INO80D: variants seen among roughly 807,000 people sequenced by gnomAD.
INO80D encodes INO80 complex subunit D.
Under a neutral mutation model 87.6 loss-of-function variants are expected in INO80D, and 21 were observed. That is an observed-to-expected ratio of 0.24 (90% CI 0.17 to 0.35). The LOEUF (loss-of-function observed/expected upper bound fraction) is 0.35. Among genes scored for constraint, INO80D ranks in the 10% least tolerant of loss-of-function variants. INO80D has a pLI of 1.00. For synonymous variants in INO80D, 440 were observed against 491.0 expected (o/e 0.90, Z 1.37); for missense variants, 982 against 1,280.7 (o/e 0.77, Z 3.56).
At chr2:206,082,078 T>C (rs1690301199) in intron 1 of INO80D, among the ~76,000 whole-genome samples, 1 of 152,208 alleles carries the variant, frequency 6.6e-6, no homozygotes. Flanking sequence ...TGGAATGCAA[T>C]GGTGCAATCC....
At chr2:206,025,478 A>C (rs1688582256) in intron 6 of INO80D, 1 of 146,128 alleles carries the variant, frequency 6.8e-6, no homozygotes, top group Non-Finnish European at 1.5e-5. Flanking sequence ...TAGTGAGCCG[A>C]GATCGCACCA....
chr2:206,050,743 C>G (rs565410143), intron 4 of INO80D, among the ~76,000 whole-genome samples: 1 of 151,422 alleles, frequency 6.6e-6, no homozygotes. Flanking sequence ...CCGAGGCGGG[C>G]GGATCACGAG....
At position 206,019,824 on chromosome 2, in the gene INO80D, C is replaced by G. The variant is rs747012232; in HGVS notation, c.1320G>C (p.Arg440Ser). 4 of 1,613,720 alleles carry G rather than the reference C, an allele frequency of 2.5e-6. No individual in the cohort carries two copies. In the South Asian group the frequency reaches 4.4e-5, roughly 18 times the overall value. ...SRTSISRTKL[R>S]EVEPAACSGT... is the part of the protein sequence containing the mutation. Reference sequence around the variant, plus strand: ...CACTGCATGCTGCTGGTTCCACCTCCCTCAGCTTGGTCCGGCTTATGCTAA... The same window carrying G: ...CACTGCATGCTGCTGGTTCCACCTCGCTCAGCTTGGTCCGGCTTATGCTAA... Residue 440 changes from arginine to serine, a missense_variant, in exon 7 of 11, where the codon AGG becomes AGC. Transcript: ENST00000403263.
chr2:206,052,108 A>C (rs963556461), intron 4 of INO80D, among the ~76,000 whole-genome samples: 1 of 152,248 alleles, frequency 6.6e-6, no homozygotes, highest in Non-Finnish European at 1.5e-5. Flanking sequence ...AAAGGAAGAA[A>C]GCATGACAGC....
chr2:206,030,741 T>C (rs1321961184), intron 5 of INO80D, among the ~76,000 whole-genome samples: 1 of 152,226 alleles, frequency 6.6e-6, no homozygotes, highest in Non-Finnish European at 1.5e-5. Context: ...AGCAGAAGAC[T>C]TGTAATTTTT....
chr2:206,016,377 A>T (rs910556823), intron 8 of INO80D, among the ~76,000 whole-genome samples: 2 of 152,138 alleles, frequency 1.3e-5, no homozygotes, highest in Non-Finnish European at 2.9e-5. Flanking sequence ...TATTTACCCA[A>T]TGGCTGTACC....
chr2:206,004,729 C>G lies in INO80D; in HGVS notation c.2723G>C (p.Gly908Ala). The G allele has an allele frequency of 6.2e-7, 1 of 1,613,862 alleles. No individual in the cohort carries two copies. The highest frequency in any genetic ancestry group is 8.5e-7 in the Non-Finnish European group (1 of 1,179,864). ...AGTGGAAAGAAGATGTCCATCTGCGCCGAGAAGGTTGCTAAATGGAGAGGG... is the reference window on the plus strand; with the variant it reads ...AGTGGAAAGAAGATGTCCATCTGCGGCGAGAAGGTTGCTAAATGGAGAGGG... ...GDPSPFSNLL[G>A]ADGHLLSTSL... The change falls in exon 11 of 11, where the codon GGC (glycine) becomes GCC (alanine). Residue 908 changes from glycine (G) to alanine (A), a missense_variant. Gly to Ala is a moderately conservative substitution (Grantham distance 60). Coordinates refer to ENST00000403263, the MANE Select transcript of INO80D (RefSeq NM_017759.5). The surrounding 1 kb of genome is among the most constrained non-coding windows in gnomAD (Gnocchi z 4.9).
chr2:206,083,662 T>C (rs1283139532), intron 1 of INO80D, among the ~76,000 whole-genome samples: 1 of 152,096 alleles, frequency 6.6e-6, no homozygotes, highest in Non-Finnish European at 1.5e-5. Context: ...AAGAATCACA[T>C]GAGTCTCATT....
At chr2:206,067,373 A>G (rs982333642) in intron 1 of INO80D, among the ~76,000 whole-genome samples, 22 of 152,234 alleles carry the variant, frequency 1.4e-4, no homozygotes, top group Non-Finnish European at 2.4e-4. Flanking sequence ...GCTAGATGGG[A>G]GGAATAAGCC....
At chr2:206,060,573 T>TA (rs1689661395) in intron 3 of INO80D, among the ~76,000 whole-genome samples, 1 of 151,792 alleles carries the variant, frequency 6.6e-6, no homozygotes, top group Admixed American at 6.6e-5. Flanking sequence ...GCTTTTTTTT[T>TA]TTTTGAGACG....
intron 1 of INO80D, among the ~76,000 whole-genome samples, chr2:206,077,512 A>G (rs1690152437): frequency 6.6e-6 from 1 of 152,200 alleles, no homozygotes; most frequent in Non-Finnish European, 1.5e-5. Flanking sequence ...TACATTCTAT[A>G]GAGCACTTAA....
At chr2:206,067,891 C>T (rs755691669) in intron 1 of INO80D, among the ~76,000 whole-genome samples, 25 of 151,916 alleles carry the variant, frequency 1.6e-4, no homozygotes, top group Non-Finnish European at 2.9e-4. Context: ...TGCAGTGTGC[C>T]GAGATCGTGC....
At chr2:206,080,771 C>A (rs1231103662) in intron 1 of INO80D, among the ~76,000 whole-genome samples, 1 of 151,332 alleles carries the variant, frequency 6.6e-6, no homozygotes, top group African/African-American at 2.4e-5. Context: ...GCCGGGTGTG[C>A]GGGCGCCTGT....
At chr2:206,050,806 A>G (rs192099793) in intron 4 of INO80D, among the ~76,000 whole-genome samples, 2 of 152,188 alleles carry the variant, frequency 1.3e-5, no homozygotes, top group Admixed American at 6.5e-5. Context: ...CGTCTCTACT[A>G]AAAACACAAA....
At chr2:206,010,083 A>ACACACG (rs142314785) in intron 8 of INO80D, among the ~76,000 whole-genome samples, 12 of 151,278 alleles carry the variant, frequency 7.9e-5, no homozygotes, top group Admixed American at 5.3e-4. Flanking sequence ...ACACACACAC[A>ACACACG]CACGCACACA....
At chr2:206,008,753 G>A (rs996299522) in intron 9 of INO80D, among the ~76,000 whole-genome samples, 4 of 152,134 alleles carry the variant, frequency 2.6e-5, no homozygotes, top group Non-Finnish European at 5.9e-5. Context: ...ACAACTACTA[G>A]GTAATACTTT....
At chr2:206,016,470 A>T (rs2105813113) in intron 8 of INO80D, among the ~76,000 whole-genome samples, 1 of 152,258 alleles carries the variant, frequency 6.6e-6, no homozygotes, top group Admixed American at 6.5e-5. Flanking sequence ...CTCAGATGAG[A>T]CTTTGGACTG....
intron 4 of INO80D, among the ~76,000 whole-genome samples, chr2:206,055,859 A>G (rs190773524): frequency 9.9e-5 from 15 of 152,200 alleles, no homozygotes; most frequent in Admixed American, 2.0e-4. Flanking sequence ...CATTTACATT[A>G]TATCAGGTAT....
chr2:206,078,520 G>A (rs142140351), intron 1 of INO80D, among the ~76,000 whole-genome samples: 1,533 of 152,306 alleles, frequency 0.01, 12 homozygotes, highest in Non-Finnish European at 0.016. Context: ...TGAAGGCCGG[G>A]GGTGGTGACT....
Sources: gnomAD v4.1 joint callset for allele counts (sites outside exome capture counted in the v4.1 genomes callset) on GRCh38, gnomAD v4.1.1 for gene constraint, Gnocchi (gnomAD v3.1) non-coding constraint, MANE v1.5 for transcripts, NCBI Gene and HGNC (gene_info 2026-07-23, HGNC 2026-07-21) for gene names.